CAMKK1: variants seen among roughly 807,000 people sequenced by gnomAD.
The protein encoded by CAMKK1 is calcium/calmodulin dependent protein kinase kinase 1, also known as calcium/calmodulin-dependent protein kinase kinase 1.
Under a neutral mutation model 63.5 loss-of-function variants are expected in CAMKK1, and 20 were observed. The observed-to-expected ratio is 0.32, with a 90% confidence interval of 0.22 to 0.46. The LOEUF (loss-of-function observed/expected upper bound fraction) is 0.46, where lower values mean the gene tolerates loss of function less well. Ranked by LOEUF, CAMKK1 falls within the 20% of genes least tolerant of loss-of-function variation. The pLI is 1.00. For missense variants in CAMKK1, 588 were observed against 658.1 expected, an observed-to-expected ratio of 0.89 and a Z score of 1.17; for synonymous variants, 253 against 269.0, an observed-to-expected ratio of 0.94 and a Z score of 0.58.
intron 8 of CAMKK1, 66 bp from the exon 9 acceptor site, chr17:3,880,500 G>T: frequency 1.6e-6 from 2 of 1,216,008 alleles, no homozygotes; most frequent in Non-Finnish European, 2.4e-6. Flanking sequence ...TCAGGTGGTC[G>T]GGACGTCCCG....
rs141931040 is a variant in CAMKK1, at chr17:3,890,032, C to T, written c.-44+2907G>A. ...ACATCCAGGCGAGGGGATGGACAGC[C>T]GTGACCAGCAGAGGACCGAACAGAA... On this transcript the variant is annotated intron_variant, in intron 1 of 15. Transcript: ENST00000348335. The surrounding 1 kb of genome is among the most constrained non-coding windows in gnomAD (Gnocchi z 6.5). Among the ~76,000 whole-genome samples the T allele has an allele frequency of 1.7e-3, 255 of 152,348 alleles. No homozygotes were observed. The highest frequency in any genetic ancestry group is 6.8e-3 in the Middle Eastern group (2 of 294).
At chr17:3,891,110 G>GGA (rs769768419) in intron 1 of CAMKK1, among the ~76,000 whole-genome samples, 19 of 81,038 alleles carry the variant, frequency 2.3e-4, no homozygotes, top group Middle Eastern at 8.8e-3. Flanking sequence ...GGGCAAGGTT[G>GGA]GGGGGGGGGT....
At chr17:3,878,066 T>C (rs2055245564) in intron 9 of CAMKK1, among the ~76,000 whole-genome samples, 1 of 152,144 alleles carries the variant, frequency 6.6e-6, no homozygotes, top group African/African-American at 2.4e-5. Flanking sequence ...CCTCAATTCC[T>C]CCTCTGAGAC....
rs1212937729 is a variant in CAMKK1, at chr17:3,868,046, CAGGATCT to C, written c.1341+1434_1341+1440del. ...AAGCAGGCGCCGTCTAACTGATACA[CAGGATCT>C]GGGGGAGAAGCAGGCGCAGTCTAAC... On this transcript the variant is annotated intron_variant, in intron 14 of 15. Transcript: ENST00000348335. 1.6e-4 allele frequency among the ~76,000 whole-genome samples: 9 copies of C among 55,604 alleles called. 2 individuals carry two copies. The highest frequency in any genetic ancestry group is 1.3e-3 in the African/African-American group (9 of 7,014). 36.5% of individuals were successfully genotyped at this position (55,604 alleles called of 152,430 possible).
chr17:3,888,506 G>A (rs1048934720), intron 1 of CAMKK1, among the ~76,000 whole-genome samples: 7 of 152,332 alleles, frequency 4.6e-5, no homozygotes, highest in East Asian at 3.9e-4. Context: ...TTCCTCGCCC[G>A]CAAGATGGGG....
Position 3,883,625 on chromosome 17 carries a change from G to A in CAMKK1, c.463-145C>T. ...GTGGCCCAGGTAAGTGTTAAGCGGG[G>A]TTGGGGGTGGCCATATCTGAGCCTA... On this transcript the variant is annotated intron_variant, in intron 4 of 15. Transcript: ENST00000348335. This position sits in a 1 kb window ranked among gnomAD's most constrained non-coding sequence, Gnocchi z 4.7. The A allele has an allele frequency of 2.5e-6, 2 of 798,842 alleles. No homozygotes were observed. The highest frequency in any genetic ancestry group is 3.0e-5 in the South Asian group (2 of 67,520). The allele number at this position is 798,842 out of a possible 1,614,324, so 49.5% of individuals were successfully genotyped here.
At chr17:3,881,382 T>C (rs2055405013) in intron 8 of CAMKK1, among the ~76,000 whole-genome samples, 1 of 152,200 alleles carries the variant, frequency 6.6e-6, no homozygotes, top group South Asian at 2.1e-4. Flanking sequence ...CCTATCTTCC[T>C]AGTTCTTCAA....
chr17:3,882,157 A>G lies in CAMKK1; in HGVS notation c.685+371T>C, dbSNP rs187194999. 1.4e-5 allele frequency: 11 copies of G among 760,144 alleles called. No homozygotes were observed. Among genetic ancestry groups the G allele is most frequent in the African/African-American group, 1.0e-4 (6 of 57,492 alleles). 47.1% of individuals were successfully genotyped at this position (760,144 alleles called of 1,614,324 possible). On this transcript the variant is annotated intron_variant, in intron 7 of 15. Transcript: ENST00000348335. This position sits in a 1 kb window ranked among gnomAD's most constrained non-coding sequence, Gnocchi z 4.3. Reference sequence around the variant, plus strand: ...CTCATTTACTCTTCACAGGAACCCTATGAGGTAGACACCACTAGTATCCCT... The same window carrying G: ...CTCATTTACTCTTCACAGGAACCCTGTGAGGTAGACACCACTAGTATCCCT...
rs955088748 is a variant in CAMKK1, at chr17:3,890,078, G to A, written c.-44+2861C>T. On this transcript the variant is annotated intron_variant, in intron 1 of 15. Coordinates refer to ENST00000348335, the MANE Select transcript of CAMKK1 (RefSeq NM_032294.3). The surrounding 1 kb of genome is among the most constrained non-coding windows in gnomAD (Gnocchi z 6.5). The stretch of plus-strand genomic sequence containing the variant: ...CAGAAGGGAAAGCCGCAGAGGTGGC[G>A]GCCACCCAGGCCAGACACAGAAGGT... Among the ~76,000 whole-genome samples, 7 of 152,186 alleles carry A rather than the reference G, an allele frequency of 4.6e-5. No individual in the cohort carries two copies. Among genetic ancestry groups the A allele is most frequent in the African/African-American group, 1.4e-4 (6 of 41,448 alleles).
At position 3,879,992 on chromosome 17, in the gene CAMKK1, ACT is replaced by A. The variant is rs1444867806; in HGVS notation, c.796+352_796+353del. 1 of 285,782 alleles carries A rather than the reference ACT, an allele frequency of 3.5e-6. No homozygotes were observed. Among genetic ancestry groups the A allele is most frequent in the Non-Finnish European group, 6.8e-6 (1 of 147,564 alleles). 17.7% of individuals were successfully genotyped at this position (285,782 alleles called of 1,614,324 possible). ...ATGCCCCGGCCCCATGCCAGGACAGACTCTCCCCAGCAGCTGGACATAAATCC... is the reference window on the plus strand; with the variant it reads ...ATGCCCCGGCCCCATGCCAGGACAGACTCCCCAGCAGCTGGACATAAATCC... On this transcript the variant is annotated intron_variant, in intron 9 of 15. Coordinates refer to ENST00000348335, the MANE Select transcript of CAMKK1 (RefSeq NM_032294.3). This position sits in a 1 kb window ranked among gnomAD's most constrained non-coding sequence, Gnocchi z 4.5.
Position 3,883,105 on chromosome 17 carries a change from C to A in CAMKK1, c.585G>T (p.Arg195=). The change falls in exon 6 of 16, where the codon CGG becomes CGT. Residue 195 remains arginine, a synonymous_variant. Transcript: ENST00000348335. The surrounding 1 kb of genome is among the most constrained non-coding windows in gnomAD (Gnocchi z 4.7). Reference sequence around the variant, plus strand: ...TCAGGATGGCAATCTCCTGGTACACCCGCTCCAGGGGCAGCAGCTGCTTGG... The same window carrying A: ...TCAGGATGGCAATCTCCTGGTACACACGCTCCAGGGGCAGCAGCTGCTTGG... ...GPAKQLLPLE[R]VYQEIAILKK... The A allele has an allele frequency of 6.2e-7, 1 of 1,613,770 alleles. No individual in the cohort carries two copies. The highest frequency in any genetic ancestry group is 8.5e-7 in the Non-Finnish European group (1 of 1,179,974).
chr17:3,873,586 A>G (rs1026419629), intron 10 of CAMKK1, 124 bp from the exon 11 acceptor site: 2 of 925,722 alleles, frequency 2.2e-6, no homozygotes, highest in African/African-American at 3.2e-5. Flanking sequence ...TCACTCGACA[A>G]ACACTCCGCG....
Position 3,889,126 on chromosome 17 carries a change from T to C in CAMKK1, c.-43-3396A>G, listed in dbSNP as rs1017611977. ...GAGCTCATATCTGGACTTTTCCCCA[T>C]AGTCACTGGTCCCACCAGCCTGGCA... is the stretch of plus-strand genomic sequence containing the variant. On this transcript the variant is annotated intron_variant, in intron 1 of 15. Transcript: ENST00000348335. This position sits in a 1 kb window ranked among gnomAD's most constrained non-coding sequence, Gnocchi z 5.2. Among the ~76,000 whole-genome samples, 1 of 152,098 alleles carries C rather than the reference T, an allele frequency of 6.6e-6. No homozygotes were observed. Among genetic ancestry groups the C allele is most frequent in the African/African-American group, 2.4e-5 (1 of 41,410 alleles).
At chr17:3,866,968 G>T (rs757408030) in intron 14 of CAMKK1, among the ~76,000 whole-genome samples, 6 of 152,272 alleles carry the variant, frequency 3.9e-5, no homozygotes, top group Admixed American at 1.3e-4. Context: ...TGATCCTCCC[G>T]CCTTGGCCTC....
intron 12 of CAMKK1, among the ~76,000 whole-genome samples, chr17:3,871,337 T>G (rs544188966): frequency 0.029 from 2,736 of 93,784 alleles, 107 homozygotes; most frequent in African/African-American, 0.12. Context: ...TTTTTTGTTT[T>G]TTTTTTTTTG....
intron 12 of CAMKK1, among the ~76,000 whole-genome samples, chr17:3,870,949 A>C (rs2143813391): frequency 6.6e-6 from 1 of 152,256 alleles, no homozygotes; most frequent in South Asian, 2.1e-4. Flanking sequence ...AAAGGGAGTG[A>C]GGCGGCCCCA....
In CAMKK1 at chr17:3,890,584, A is replaced by G. The variant is rs2055862122; in HGVS notation, c.-44+2355T>C. 2 of 770,234 alleles carry G rather than the reference A, an allele frequency of 2.6e-6. No individual in the cohort carries two copies. The highest frequency in any genetic ancestry group is 1.7e-5 in the Admixed American group (1 of 58,696). 47.7% of individuals were successfully genotyped at this position (770,234 alleles called of 1,614,324 possible). A position where few individuals can be genotyped will look rare whatever the true frequency, so the allele number is the denominator to read the frequency against. On this transcript the variant is annotated intron_variant, in intron 1 of 15. Transcript: ENST00000348335. The surrounding 1 kb of genome is among the most constrained non-coding windows in gnomAD (Gnocchi z 6.5). ...CCTCTGTCTCCATTGCGAGACGGGT[A>G]CCACACCCTCCCCATTCTTTCCTGA...
In CAMKK1 at chr17:3,884,358, C is replaced by T. The variant is rs753335588; in HGVS notation, c.408+22G>A. The T allele has an allele frequency of 6.8e-6, 11 of 1,613,278 alleles. No homozygotes were observed. The South Asian group carries it at 8.8e-5, about 13-fold the overall frequency. ...ACAGAGAATCCCGAAGCCCCCACTG[C>T]TCTCGGCCTGCCCACTCCTACCTTG... is the stretch of plus-strand genomic sequence containing the variant. On this transcript the variant is annotated intron_variant, in intron 3 of 15. Transcript: ENST00000348335. This position sits in a 1 kb window ranked among gnomAD's most constrained non-coding sequence, Gnocchi z 4.5.
At chr17:3,865,725 A>G in intron 15 of CAMKK1, 183 bp downstream of exon 15, 1 of 1,424,900 alleles carries the variant, frequency 7.0e-7, no homozygotes, top group Non-Finnish European at 9.2e-7. Context: ...CTGGGCCCAA[A>G]AGGTCCCTTC....
Sources: gnomAD v4.1 joint callset for allele counts (sites outside exome capture counted in the v4.1 genomes callset) on GRCh38, gnomAD v4.1.1 for gene constraint, Gnocchi (gnomAD v3.1) non-coding constraint, MANE v1.5 for transcripts, NCBI Gene and HGNC (gene_info 2026-07-23, HGNC 2026-07-21) for gene names.